Variants in WASHC2A observed in about 807,000 individuals in gnomAD.
The protein encoded by WASHC2A is WASH complex subunit FAM21A.
Under a neutral mutation model 140.3 loss-of-function variants are expected in WASHC2A, and 82 were observed. The ratio of observed to expected loss-of-function variants is 0.58; its 90% CI spans 0.49 to 0.70. The LOEUF is 0.70. Ranked by LOEUF, WASHC2A falls within the 30% of genes least tolerant of loss-of-function variation. The probability of loss-of-function intolerance (pLI) is 0.00; values close to 1 mark genes in which losing one functional copy is unlikely to be tolerated. For missense variants in WASHC2A, 985 were observed against 1,521.8 expected, an observed-to-expected ratio of 0.65 and a Z score of 5.87; for synonymous variants, 340 against 560.8, an observed-to-expected ratio of 0.61 and a Z score of 5.56.
chr10:50,101,565 C>T (rs1159051927), intron 17 of WASHC2A, among the ~76,000 whole-genome samples: 2 of 152,294 alleles, frequency 1.3e-5, no homozygotes, highest in Admixed American at 6.5e-5. Context: ...CCCTAACACC[C>T]CGTCCTTAAT....
chr10:50,130,809 G>A lies in WASHC2A; in HGVS notation c.3709-92G>A, dbSNP rs1237891153. 9.5e-6 allele frequency: 15 copies of A among 1,584,236 alleles called. No individual in the cohort carries two copies. In the African/African-American group the frequency reaches 1.4e-4, roughly 14 times the overall value. ...TCTCGAGGCTGTTCCACACACCCTG[G>A]CCAATTGTATTTCCATAGCTCGTTG... On this transcript the variant is annotated intron_variant, in intron 29 of 30. Transcript: ENST00000282633.
chr10:50,109,640 GAA>G (rs1352271429), intron 19 of WASHC2A, among the ~76,000 whole-genome samples: 3 of 152,160 alleles, frequency 2.0e-5, no homozygotes, highest in Non-Finnish European at 4.4e-5. Context: ...TGAGTTCAAA[GAA>G]AAGTCTTAAG....
chr10:50,124,159 C>T (rs1843219409), intron 23 of WASHC2A, among the ~76,000 whole-genome samples: 1 of 152,084 alleles, frequency 6.6e-6, no homozygotes, highest in Admixed American at 6.5e-5. Context: ...GGCTGGAGTG[C>T]AGTGGCGTGA....
intron 18 of WASHC2A, among the ~76,000 whole-genome samples, chr10:50,105,923 G>C (rs1841720120): frequency 1.3e-5 from 2 of 151,524 alleles, no homozygotes; most frequent in South Asian, 4.2e-4. Context: ...TTCAGCCATT[G>C]TTCTGGTTTC....
At chr10:50,078,846 G>C in intron 4 of WASHC2A, 109 bp downstream of exon 4, 1 of 1,607,960 alleles carries the variant, frequency 6.2e-7, no homozygotes, top group Non-Finnish European at 8.5e-7. Flanking sequence ...GGGAAAGGGA[G>C]GGACTGCTCC....
At chr10:50,132,605 A>G (rs1844080014) in intron 30 of WASHC2A, among the ~76,000 whole-genome samples, 1 of 152,338 alleles carries the variant, frequency 6.6e-6, no homozygotes, top group Non-Finnish European at 1.5e-5. Flanking sequence ...TTGTGCTCCA[A>G]GAGAAACCTG....
At position 50,087,256 on chromosome 10, in the gene WASHC2A, C is replaced by G. The variant is rs1839467747; in HGVS notation, c.685-19C>G. 5.0e-6 allele frequency: 8 copies of G among 1,613,890 alleles called. No homozygotes were observed. Among genetic ancestry groups the G allele is most frequent in the Admixed American group, 1.7e-5 (1 of 60,018 alleles). On this transcript the variant is annotated intron_variant, in intron 7 of 30. Coordinates refer to ENST00000282633, the MANE Select transcript of WASHC2A (RefSeq NM_001005751.3). ...AAGTAAAGCCCATTTAACAACAAAG[C>G]CTTTTCTTCCCCACAAAGGAGTCAG... is the stretch of plus-strand genomic sequence containing the variant.
chr10:50,127,645 A>G lies in WASHC2A; in HGVS notation c.2937A>G (p.Val979=). 1.2e-6 allele frequency: 2 copies of G among 1,606,056 alleles called. No homozygotes were observed. The highest frequency in any genetic ancestry group is 1.7e-6 in the Non-Finnish European group (2 of 1,176,838). The change falls in exon 28 of 31, where the codon GTA becomes GTG. Residue 979 remains valine, a synonymous_variant. Transcript: ENST00000282633. The stretch of plus-strand genomic sequence containing the variant: ...CAGCGGCTTCCCAGATCTCTGAAGT[A>G]AAGCCTGTTTTGCCAGAATTGGCTT... ...LPTAASQISE[V]KPVLPELAFP...
chr10:50,120,714 A>T (rs1842955125), intron 23 of WASHC2A, among the ~76,000 whole-genome samples: 1 of 147,616 alleles, frequency 6.8e-6, no homozygotes, highest in Non-Finnish European at 1.5e-5. Flanking sequence ...AGAAAGCTAG[A>T]TATCCTTTAT....
At chr10:50,113,544 C>T (rs1336318620) in intron 20 of WASHC2A, among the ~76,000 whole-genome samples, 3 of 151,914 alleles carry the variant, frequency 2.0e-5, no homozygotes, top group Non-Finnish European at 2.9e-5. Flanking sequence ...TAGGCCTGTC[C>T]GCTTTGATTC....
At chr10:50,082,764 G>A (rs1839025591) in intron 5 of WASHC2A, among the ~76,000 whole-genome samples, 1 of 147,362 alleles carries the variant, frequency 6.8e-6, no homozygotes, top group African/African-American at 2.5e-5. Flanking sequence ...ACAGGTGGGA[G>A]CTACTGCAAC....
At chr10:50,087,683 T>C (rs1228547026) in intron 8 of WASHC2A, among the ~76,000 whole-genome samples, 1 of 152,182 alleles carries the variant, frequency 6.6e-6, no homozygotes, top group Non-Finnish European at 1.5e-5. Flanking sequence ...ATTCACAAGA[T>C]GAAAACTTCT....
At chr10:50,101,351 T>G (rs1353141424) in intron 17 of WASHC2A, among the ~76,000 whole-genome samples, 1 of 152,310 alleles carries the variant, frequency 6.6e-6, no homozygotes, top group Non-Finnish European at 1.5e-5. Context: ...CACTCTTCGA[T>G]TTCTCTGTGA....
At position 50,073,337 on chromosome 10, in the gene WASHC2A, A is replaced by AT. The variant is rs562391392; in HGVS notation, c.291+3634dup. Among the ~76,000 whole-genome samples the AT allele has an allele frequency of 2.0e-3, 308 of 151,998 alleles. 1 individual carries two copies. The highest frequency in any genetic ancestry group is 6.4e-3 in the African/African-American group (265 of 41,454). On this transcript the variant is annotated intron_variant, in intron 3 of 30. Transcript: ENST00000282633. ...TAACCTGTTTATGCCCAAGGTTAGA[A>AT]TTTTTTTTGTGAAAAGCCAGATCTT... is the stretch of plus-strand genomic sequence containing the variant.
intron 9 of WASHC2A, 138 bp downstream of exon 9, chr10:50,091,024 A>G: frequency 2.1e-6 from 2 of 966,090 alleles, no homozygotes; most frequent in South Asian, 3.3e-5. Context: ...AAATAATGGC[A>G]AGCATCTCAA....
intron 3 of WASHC2A, among the ~76,000 whole-genome samples, chr10:50,074,579 A>G (rs1838128069): frequency 6.6e-6 from 1 of 152,080 alleles, no homozygotes; most frequent in African/African-American, 2.4e-5. Flanking sequence ...GGTTTAGCAC[A>G]TATATTCTAA....
At position 50,133,202 on chromosome 10, in the gene WASHC2A, A is replaced by G. The variant is rs1188633767; in HGVS notation, c.*257A>G. 5.0e-6 allele frequency: 3 copies of G among 605,886 alleles called. No individual in the cohort carries two copies. Among genetic ancestry groups the G allele is most frequent in the South Asian group, 2.0e-5 (1 of 50,406 alleles). The allele number at this position is 605,886 out of a possible 1,614,324, so 37.5% of individuals were successfully genotyped here. A position where few individuals can be genotyped will look rare whatever the true frequency, so the allele number is the denominator to read the frequency against. Reference sequence around the variant, plus strand: ...TGATTTAGTTAGCCTTGCTGGGGCCATAATATGCTTCAGGGTGTGTAAAAG... The same window carrying G: ...TGATTTAGTTAGCCTTGCTGGGGCCGTAATATGCTTCAGGGTGTGTAAAAG... On this transcript the variant is annotated 3_prime_UTR_variant, in exon 31 of 31. Coordinates refer to ENST00000282633, the MANE Select transcript of WASHC2A (RefSeq NM_001005751.3).
At chr10:50,071,312 C>CTT (rs1264804216) in intron 3 of WASHC2A, among the ~76,000 whole-genome samples, 4,614 of 130,976 alleles carry the variant, frequency 0.035, 261 homozygotes, top group African/African-American at 0.12. Flanking sequence ...TGGGAAGTTT[C>CTT]TTTTTTTTTT....
chr10:50,076,368 AAT>A (rs1838313527), intron 3 of WASHC2A, among the ~76,000 whole-genome samples: 2 of 152,366 alleles, frequency 1.3e-5, no homozygotes, highest in Admixed American at 1.3e-4. Context: ...TTCTGCTGGA[AAT>A]CATGATACCA....
Sources: gnomAD v4.1 joint callset for allele counts (sites outside exome capture counted in the v4.1 genomes callset) on GRCh38, gnomAD v4.1.1 for gene constraint, MANE v1.5 for transcripts, NCBI Gene and HGNC (gene_info 2026-07-23, HGNC 2026-07-21) for gene names.